PCDHGA5: variants seen among roughly 807,000 people sequenced by gnomAD.
PCDHGA5 encodes the protein protocadherin gamma subfamily A, 5.
PCDHGA5 carries 36 observed loss-of-function variants against 56.7 expected under a neutral mutation model. That is an observed-to-expected ratio of 0.64 (90% CI 0.49 to 0.84). The LOEUF (loss-of-function observed/expected upper bound fraction) is 0.84. Ranked by LOEUF, PCDHGA5 falls within the 40% of genes least tolerant of loss-of-function variation. The pLI, the probability that PCDHGA5 is intolerant of heterozygous loss-of-function variation, is 0.00. For missense variants in PCDHGA5, 1,305 were observed against 1,201.5 expected (o/e 1.09, Z -1.27); for synonymous variants, 563 against 520.2 (o/e 1.08, Z -1.12).
chr5:141,388,474 A>G, intron 1 of PCDHGA5: 1 of 1,613,850 alleles, frequency 6.2e-7, no homozygotes, highest in Non-Finnish European at 8.5e-7. Flanking sequence ...ATGGTATTGA[A>G]GACACCTTTG....
intron 1 of PCDHGA5, chr5:141,376,356 CA>C (rs1259525756): frequency 2.5e-6 from 4 of 1,614,228 alleles, no homozygotes; most frequent in Non-Finnish European, 1.7e-6. Context: ...CACGAGGTCT[CA>C]CTCACTGCAG....
chr5:141,413,900 AC>A, intron 1 of PCDHGA5: 1 of 1,613,126 alleles, frequency 6.2e-7, no homozygotes. Flanking sequence ...GCAAATGACA[AC>A]GCGCCGGTCT....
intron 1 of PCDHGA5, chr5:141,393,233 A>T (rs756421828): frequency 2.7e-5 from 44 of 1,613,664 alleles, no homozygotes; most frequent in Non-Finnish European, 3.4e-5. Context: ...ATCTAGAAGT[A>T]AAAATTAACG....
At chr5:141,405,380 A>G in intron 1 of PCDHGA5, 1 of 1,602,960 alleles carries the variant, frequency 6.2e-7, no homozygotes, top group Non-Finnish European at 8.5e-7. Context: ...GGTTCCGGTG[A>G]GTTCATTTTT....
rs1289890545 is a variant in PCDHGA5, at chr5:141,414,874, C to T, written c.2421+48123C>T. ...CCAGAACGACAATGCGCCCGAGATC[C>T]TGTACCCCGCCCTCCCCACAGACGG... is the stretch of plus-strand genomic sequence containing the variant. On this transcript the variant is annotated intron_variant, in intron 1 of 3. Transcript: ENST00000518069. 3.7e-6 allele frequency: 6 copies of T among 1,614,136 alleles called. No individual in the cohort carries two copies. The African/African-American group carries it at 8.0e-5, about 22-fold the overall frequency.
chr5:141,375,377 C>G, intron 1 of PCDHGA5: 1 of 1,613,940 alleles, frequency 6.2e-7, no homozygotes, highest in South Asian at 1.1e-5. Context: ...AACACCACCT[C>G]TGTCTACAGA....
At chr5:141,370,175 T>C in intron 1 of PCDHGA5, 1 of 463,044 alleles carries the variant, frequency 2.2e-6, no homozygotes, top group East Asian at 3.2e-5. Context: ...AGGCGCCGGG[T>C]GCCGCTCTTG....
At chr5:141,446,312 T>C (rs2098498076) in intron 1 of PCDHGA5, among the ~76,000 whole-genome samples, 1 of 152,208 alleles carries the variant, frequency 6.6e-6, no homozygotes, top group African/African-American at 2.4e-5. Flanking sequence ...GAGTGATTCC[T>C]GGGTTTCCAC....
intron 1 of PCDHGA5, chr5:141,418,683 CAG>C: frequency 6.2e-7 from 1 of 1,614,048 alleles, no homozygotes; most frequent in African/African-American, 1.3e-5. Flanking sequence ...GGCATCAACT[CAG>C]AGATCACTTA....
Position 141,364,800 on chromosome 5 carries a change from C to G in PCDHGA5, c.470C>G (p.Ala157Gly), listed in dbSNP as rs2149865831. ...GGGACACGGTTAGTGCTTCCCTTCG[C>G]GCGGGATGCGGATGTGGGTGTGAAC... ...AAGTRLVLPF[A>G]RDADVGVNSL... Residue 157 changes from alanine (A) to glycine (G), a missense_variant, in exon 1 of 4, where the codon GCG becomes GGG. Physicochemically the swap from Ala to Gly is moderately conservative, Grantham distance 60. Transcript: ENST00000518069. 12 of 1,613,952 alleles carry G rather than the reference C, an allele frequency of 7.4e-6. No homozygotes were observed. Among genetic ancestry groups the G allele is most frequent in the Non-Finnish European group, 1.0e-5 (12 of 1,179,882 alleles).
chr5:141,417,285 A>C (rs913143514), intron 1 of PCDHGA5: 2 of 152,254 alleles, frequency 1.3e-5, no homozygotes, highest in African/African-American at 4.8e-5. Flanking sequence ...AAGGAACAAG[A>C]ATGACTGCCT....
rs200568923 is a variant in PCDHGA5 at position 141,413,794 on chromosome 5, G to A, written c.2421+47043G>A. On this transcript the variant is annotated intron_variant, in intron 1 of 3. Coordinates refer to ENST00000518069, the MANE Select transcript of PCDHGA5 (RefSeq NM_018918.3). The stretch of plus-strand genomic sequence containing the variant: ...GGTACTGGAGCACTCCCTAGATCGC[G>A]AGGAAGAGGCCATTCACCACCTGGT... 6.7e-5 allele frequency: 108 copies of A among 1,613,050 alleles called. No individual in the cohort carries two copies. Among genetic ancestry groups the A allele is most frequent in the Admixed American group, 8.3e-5 (5 of 59,990 alleles).
In PCDHGA5 at chr5:141,364,551, T is replaced by A; in HGVS notation, c.221T>A (p.Leu74His). The change falls in exon 1 of 4, where the codon CTT (leucine) becomes CAT (histidine). Residue 74 changes from leucine (L) to histidine (H), a missense_variant. By Grantham distance (99) the Leu-to-His change is moderately conservative. Transcript: ENST00000518069. ...ATCGTCTCCAGAGGTAGGACGCAGC[T>A]TTTTGCCCTGAACCCGCGAAGCGGC... ...VRIVSRGRTQ[L>H]FALNPRSGSL... 6.2e-7 allele frequency: 1 copy of A among 1,614,076 alleles called. No individual in the cohort carries two copies. Among genetic ancestry groups the A allele is most frequent in the South Asian group, 1.1e-5 (1 of 91,082 alleles).
intron 3 of PCDHGA5, among the ~76,000 whole-genome samples, chr5:141,510,227 C>T (rs1010123412): frequency 1.3e-5 from 2 of 150,454 alleles, no homozygotes; most frequent in African/African-American, 2.5e-5. Context: ...GAGCCGGGAT[C>T]GCGCCACTGC....
At position 141,364,926 on chromosome 5, in the gene PCDHGA5, C is replaced by T; in HGVS notation, c.596C>T (p.Pro199Leu). The part of the protein sequence containing the change: ...QKYPELVLEQ[P>L]LDREKETVHD... ...TATCCGGAGCTGGTGTTGGAACAGC[C>T]CCTAGACCGCGAGAAAGAGACTGTT... Residue 199 changes from proline to leucine, a missense_variant, in exon 1 of 4, where the codon CCC (proline) becomes CTC (leucine). Pro to Leu is a moderately conservative substitution (Grantham distance 98). Coordinates refer to ENST00000518069, the MANE Select transcript of PCDHGA5 (RefSeq NM_018918.3). 1.2e-6 allele frequency: 2 copies of T among 1,613,906 alleles called. No individual in the cohort carries two copies. The highest frequency in any genetic ancestry group is 8.5e-7 in the Non-Finnish European group (1 of 1,179,884).
At chr5:141,389,811 G>A in intron 1 of PCDHGA5, 1 of 1,613,822 alleles carries the variant, frequency 6.2e-7, no homozygotes, top group Non-Finnish European at 8.5e-7. Flanking sequence ...CCTTCTGGTC[G>A]CCGTGCGTGA....
At chr5:141,425,381 A>C (rs1374877185) in intron 1 of PCDHGA5, among the ~76,000 whole-genome samples, 3 of 152,194 alleles carry the variant, frequency 2.0e-5, no homozygotes, top group African/African-American at 7.2e-5. Flanking sequence ...GTTGATTCGG[A>C]GGTAGTGATA....
chr5:141,408,058 G>A, intron 1 of PCDHGA5: 1 of 1,316,270 alleles, frequency 7.6e-7, no homozygotes. Flanking sequence ...GAGCCTCCCG[G>A]CTGCGCAGAC....
chr5:141,486,263 G>GAACCTGGC lies in PCDHGA5; in HGVS notation c.2422-8542_2422-8535dup. 6.2e-7 allele frequency: 1 copy of GAACCTGGC among 1,614,090 alleles called. No homozygotes were observed. Among genetic ancestry groups the GAACCTGGC allele is most frequent in the South Asian group, 1.1e-5 (1 of 91,064 alleles). On this transcript the variant is annotated intron_variant, in intron 1 of 3. Coordinates refer to ENST00000518069, the MANE Select transcript of PCDHGA5 (RefSeq NM_018918.3). This position sits in a 1 kb window ranked among gnomAD's most constrained non-coding sequence, Gnocchi z 5.0. ...GCTTGGAACCCTCCCCGAGAGTGCAGAACCTGGCACTGTGGTGGCACTTAT... is the reference window on the plus strand; with the variant it reads ...GCTTGGAACCCTCCCCGAGAGTGCAGAACCTGGCAACCTGGCACTGTGGTGGCACTTAT...
Sources: allele counts gnomAD v4.1 joint callset (sites outside exome capture counted in the v4.1 genomes callset), GRCh38; gene constraint gnomAD v4.1.1; non-coding constraint Gnocchi (gnomAD v3.1); transcripts MANE v1.5; gene names NCBI Gene and HGNC (gene_info 2026-07-23, HGNC 2026-07-21).